Variants in RIN3 observed in about 807,000 individuals in gnomAD.
The protein encoded by RIN3 is RAB5 interacting protein 3.
Under a neutral mutation model 76.3 loss-of-function variants are expected in RIN3, and 54 were observed. That is an observed-to-expected ratio of 0.71 (90% CI 0.57 to 0.89). The LOEUF (loss-of-function observed/expected upper bound fraction) is 0.89. Among genes scored for constraint, RIN3 ranks in the 40% least tolerant of loss-of-function variants. The pLI, the probability that RIN3 is intolerant of heterozygous loss-of-function variation, is 0.00. For synonymous variants in RIN3, 576 were observed against 564.0 expected, an observed-to-expected ratio of 1.02 and a Z score of -0.30; for missense variants, 1,256 against 1,322.1, an observed-to-expected ratio of 0.95 and a Z score of 0.78.
chr14:92,552,717 T>G (rs1026748792), intron 1 of RIN3, among the ~76,000 whole-genome samples: 1 of 152,146 alleles, frequency 6.6e-6, no homozygotes, highest in African/African-American at 2.4e-5. Context: ...GTGTCTTCCC[T>G]GGCCACCCAG....
intron 8 of RIN3, among the ~76,000 whole-genome samples, chr14:92,678,330 T>C (rs1273971289): frequency 6.8e-6 from 1 of 146,436 alleles, no homozygotes; most frequent in Non-Finnish European, 1.5e-5. Context: ...ACCCACATAT[T>C]CATCCACCCA....
chr14:92,620,626 A>G (rs1053800905), intron 4 of RIN3, among the ~76,000 whole-genome samples: 1 of 152,234 alleles, frequency 6.6e-6, no homozygotes, highest in African/African-American at 2.4e-5. Flanking sequence ...AGTTTTATAC[A>G]TATGGATACA....
chr14:92,634,184 C>T (rs1326328617), intron 4 of RIN3, among the ~76,000 whole-genome samples: 4 of 149,394 alleles, frequency 2.7e-5, no homozygotes, highest in East Asian at 2.0e-4. Flanking sequence ...AAGCAATTCT[C>T]CTGCCTCAGC....
Position 92,688,207 on chromosome 14 carries a change from C to T in RIN3, c.2913C>T (p.Gly971=), listed in dbSNP as rs1595514363. The T allele has an allele frequency of 7.3e-7, 1 of 1,362,008 alleles. No homozygotes were observed. Among genetic ancestry groups the T allele is most frequent in the South Asian group, 1.3e-5 (1 of 78,224 alleles). 84.4% of individuals were successfully genotyped at this position (1,362,008 alleles called of 1,614,324 possible). ...RPLDGGGGGG[G]GSPPCLVVRE... ...TGGACGGTGGTGGCGGCGGCGGCGG[C>T]GGGAGCCCGCCCTGCCTGGTGGTGC... is the stretch of plus-strand genomic sequence containing the variant. Residue 971 remains glycine (G), a synonymous_variant, in exon 10 of 10, where the codon GGC becomes GGT. Transcript: ENST00000216487.
At chr14:92,521,624 A>G (rs758122762) in intron 1 of RIN3, among the ~76,000 whole-genome samples, 19 of 151,992 alleles carry the variant, frequency 1.3e-4, no homozygotes, top group Non-Finnish European at 2.4e-4. Context: ...CCCTTCCACC[A>G]TGATTGGAGG....
intron 7 of RIN3, among the ~76,000 whole-genome samples, chr14:92,662,525 A>G (rs1887928910): frequency 6.6e-6 from 1 of 152,226 alleles, no homozygotes; most frequent in Admixed American, 6.5e-5. Context: ...ACCACCTTGC[A>G]GGCCTGTCTT....
chr14:92,606,145 C>CAAAAAAAAAAAA (rs10573887), intron 3 of RIN3, among the ~76,000 whole-genome samples: 1 of 95,988 alleles, frequency 1.0e-5, no homozygotes, highest in Non-Finnish European at 2.1e-5. Context: ...GAGCCAGTCT[C>CAAAAAAAAAAAA]AAAAAAAAAA....
At chr14:92,578,630 C>T (rs754614077) in intron 3 of RIN3, among the ~76,000 whole-genome samples, 19 of 151,984 alleles carry the variant, frequency 1.3e-4, no homozygotes, top group African/African-American at 4.4e-4. Context: ...GACAGTTTGG[C>T]GGGTAGGAGG....
chr14:92,679,340 G>A (rs979293402), intron 8 of RIN3, among the ~76,000 whole-genome samples: 4 of 152,198 alleles, frequency 2.6e-5, no homozygotes, highest in African/African-American at 9.7e-5. Flanking sequence ...CCAGGGGCCA[G>A]AGGACAAACC....
At chr14:92,598,531 C>T (rs1275704733) in intron 3 of RIN3, among the ~76,000 whole-genome samples, 1 of 152,250 alleles carries the variant, frequency 6.6e-6, no homozygotes, top group East Asian at 1.9e-4. Flanking sequence ...GAACCATGCT[C>T]ACCCTCCTTT....
intron 1 of RIN3, among the ~76,000 whole-genome samples, chr14:92,544,530 G>A (rs1030418522): frequency 1.4e-4 from 22 of 151,940 alleles, no homozygotes; most frequent in African/African-American, 5.3e-4. Context: ...CTTCCAACAT[G>A]GGACTCTCTG....
chr14:92,599,410 G>A (rs1165890909), intron 3 of RIN3, among the ~76,000 whole-genome samples: 2 of 152,164 alleles, frequency 1.3e-5, no homozygotes, highest in Non-Finnish European at 1.5e-5. Flanking sequence ...GGACTCTTGG[G>A]CCTGGTTGGC....
At chr14:92,595,626 G>T (rs1220294357) in intron 3 of RIN3, among the ~76,000 whole-genome samples, 1 of 152,190 alleles carries the variant, frequency 6.6e-6, no homozygotes, top group Non-Finnish European at 1.5e-5. Flanking sequence ...AGCCATGGGA[G>T]TGTGTCAGTA....
At chr14:92,657,082 G>A (rs1207671911) in intron 6 of RIN3, among the ~76,000 whole-genome samples, 3 of 152,198 alleles carry the variant, frequency 2.0e-5, no homozygotes, top group African/African-American at 7.2e-5. Flanking sequence ...GACAGGGCGG[G>A]GTGTGGTGGC....
intron 2 of RIN3, among the ~76,000 whole-genome samples, chr14:92,569,670 T>C (rs930712228): frequency 6.6e-6 from 1 of 151,694 alleles, no homozygotes; most frequent in Non-Finnish European, 1.5e-5. Flanking sequence ...GAAATAGCTA[T>C]GGGCTAGGTG....
chr14:92,599,525 G>A (rs1885269223), intron 3 of RIN3, among the ~76,000 whole-genome samples: 1 of 152,212 alleles, frequency 6.6e-6, no homozygotes, highest in African/African-American at 2.4e-5. Context: ...AGCAGTTAGA[G>A]GGTAACAGCA....
intron 2 of RIN3, among the ~76,000 whole-genome samples, chr14:92,560,667 T>C (rs921487534): frequency 5.3e-5 from 8 of 152,216 alleles, no homozygotes; most frequent in Middle Eastern, 3.4e-3. Context: ...GGCGCTTTGC[T>C]TCACAACAGC....
chr14:92,527,046 CTTTTTTTTTT>C (rs1215618245), intron 1 of RIN3, among the ~76,000 whole-genome samples: 2 of 109,996 alleles, frequency 1.8e-5, no homozygotes, highest in African/African-American at 8.1e-5. Flanking sequence ...TTCTCCCCAT[CTTTTTTTTTT>C]TTTTTTTTTT....
In RIN3 at chr14:92,659,043, CTG is replaced by C; in HGVS notation, c.2027-115_2027-114del. 3 of 901,688 alleles carry C rather than the reference CTG, an allele frequency of 3.3e-6. No homozygotes were observed. In the Admixed American group the frequency reaches 5.9e-5, roughly 18 times the overall value. The allele number at this position is 901,688 out of a possible 1,614,324, so 55.9% of individuals were successfully genotyped here. A position where few individuals can be genotyped will look rare whatever the true frequency, so the allele number is the denominator to read the frequency against. ...GAACCACAGGGTATAACTGCTGGGGCTGTGAGTGTCCTTCCAGGGGCCAGGGG... is the reference window on the plus strand; with the variant it reads ...GAACCACAGGGTATAACTGCTGGGGCTGAGTGTCCTTCCAGGGGCCAGGGG... On this transcript the variant is annotated intron_variant, in intron 6 of 9. Transcript: ENST00000216487.
Sources: gnomAD v4.1 joint callset for allele counts (sites outside exome capture counted in the v4.1 genomes callset) on GRCh38, gnomAD v4.1.1 for gene constraint, MANE v1.5 for transcripts, NCBI Gene and HGNC (gene_info 2026-07-23, HGNC 2026-07-21) for gene names.